Variants in PLD5 observed in about 807,000 individuals in gnomAD.
PLD5 encodes inactive phospholipase D5.
Under a neutral mutation model 61.1 loss-of-function variants are expected in PLD5, and 36 were observed. That is an observed-to-expected ratio of 0.59 (90% CI 0.45 to 0.78). The LOEUF (loss-of-function observed/expected upper bound fraction) is 0.78. Ranked by LOEUF, PLD5 falls within the 30% of genes least tolerant of loss-of-function variation. The pLI, the probability that PLD5 is intolerant of heterozygous loss-of-function variation, is 0.00. For synonymous variants in PLD5, 243 were observed against 242.8 expected (o/e 1.00, Z -0.01); for missense variants, 515 against 644.4 (o/e 0.80, Z 2.17).
At chr1:242,399,137 G>C (rs1358230130) in intron 1 of PLD5, among the ~76,000 whole-genome samples, 1 of 152,154 alleles carries the variant, frequency 6.6e-6, no homozygotes, top group Non-Finnish European at 1.5e-5. Flanking sequence ...TAATGTGCAA[G>C]ATGAAAAAAC....
rs569142182 is a variant in PLD5 at position 242,505,498 on chromosome 1, TG to T, written c.189+18589del. ...AAGTGTCCATCAACTGATGAACAGA[TG>T]AAGAAAATAAGGATGCATTTCTCAG... On this transcript the variant is annotated intron_variant, in intron 1 of 9. Coordinates refer to ENST00000536534, the MANE Select transcript of PLD5 (RefSeq NM_001372062.1). Among the ~76,000 whole-genome samples, 752 of 152,036 alleles carry T rather than the reference TG, an allele frequency of 4.9e-3. 6 individuals carry two copies. The highest frequency in any genetic ancestry group is 0.017 in the African/African-American group (715 of 41,548).
In PLD5 at chr1:242,207,964, T is replaced by TA. The variant is rs1669537542; in HGVS notation, c.735+12023_735+12024insT. ...TTTATATATATTTATTTATATATAT[T>TA]TATATATATTTTTATATATATATTT... On this transcript the variant is annotated intron_variant, in intron 5 of 9. Coordinates refer to ENST00000536534, the MANE Select transcript of PLD5 (RefSeq NM_001372062.1). Among the ~76,000 whole-genome samples the TA allele has an allele frequency of 2.4e-4, 8 of 32,778 alleles. 1 individual carries two copies. Among genetic ancestry groups the TA allele is most frequent in the East Asian group, 2.2e-3 (3 of 1,346 alleles). The allele number at this position is 32,778 out of a possible 152,430, so 21.5% of individuals were successfully genotyped here.
intron 4 of PLD5, among the ~76,000 whole-genome samples, chr1:242,260,450 T>C (rs1673318193): frequency 6.6e-6 from 1 of 152,112 alleles, no homozygotes; most frequent in African/African-American, 2.4e-5. Flanking sequence ...GCAGAGGATT[T>C]CAATGACAAT....
At chr1:242,393,681 T>C (rs1375480749) in intron 1 of PLD5, among the ~76,000 whole-genome samples, 1 of 96,308 alleles carries the variant, frequency 1.0e-5, no homozygotes, top group East Asian at 2.3e-4. Flanking sequence ...TGAGTATATA[T>C]GTGTATATAT....
chr1:242,389,941 A>G (rs1662827765), intron 1 of PLD5, among the ~76,000 whole-genome samples: 1 of 151,800 alleles, frequency 6.6e-6, no homozygotes, highest in South Asian at 2.1e-4. Flanking sequence ...AAATTCTTAG[A>G]CTCCACTATT....
At chr1:242,158,172 A>T (rs1428380815) in intron 5 of PLD5, among the ~76,000 whole-genome samples, 1 of 152,170 alleles carries the variant, frequency 6.6e-6, no homozygotes, top group African/African-American at 2.4e-5. Flanking sequence ...AAGCTCAAGC[A>T]TCCCAGGTGG....
At chr1:242,198,746 A>G (rs1251368977) in intron 5 of PLD5, among the ~76,000 whole-genome samples, 1 of 144,260 alleles carries the variant, frequency 6.9e-6, no homozygotes, top group East Asian at 2.0e-4. Flanking sequence ...CATTATTATT[A>G]TTATTTTGAG....
intron 1 of PLD5, among the ~76,000 whole-genome samples, chr1:242,460,585 T>C (rs1394827638): frequency 6.7e-6 from 1 of 149,202 alleles, no homozygotes; most frequent in Non-Finnish European, 1.5e-5. Flanking sequence ...TTCCTCTCTA[T>C]CTACTGCCTT....
At chr1:242,362,362 G>GA (rs1212615117) in intron 1 of PLD5, among the ~76,000 whole-genome samples, 1 of 152,076 alleles carries the variant, frequency 6.6e-6, no homozygotes, top group African/African-American at 2.4e-5. Context: ...TATAGATGCA[G>GA]ACTTTTCCCT....
intron 2 of PLD5, among the ~76,000 whole-genome samples, chr1:242,294,598 AAC>A (rs1314632725): frequency 2.0e-5 from 3 of 152,124 alleles, no homozygotes; most frequent in Admixed American, 6.5e-5. Context: ...AAGTAGACAA[AAC>A]ACAGCTCTGC....
chr1:242,470,374 GA>G, intron 1 of PLD5, among the ~76,000 whole-genome samples: 1 of 70,436 alleles, frequency 1.4e-5, no homozygotes, highest in Admixed American at 1.8e-4. Flanking sequence ...AAGAAAGAAA[GA>G]AAGAAAAAAA....
intron 1 of PLD5, among the ~76,000 whole-genome samples, chr1:242,452,814 C>T (rs1303686682): frequency 6.6e-6 from 1 of 152,176 alleles, no homozygotes; most frequent in South Asian, 2.1e-4. Context: ...AGACCCTGCC[C>T]CCCACCCCTG....
chr1:242,199,953 G>C (rs1191508186), intron 5 of PLD5, among the ~76,000 whole-genome samples: 1 of 152,064 alleles, frequency 6.6e-6, no homozygotes. Context: ...CCATATTCTG[G>C]CTATTATGAA....
At chr1:242,480,792 A>T (rs1256283399) in intron 1 of PLD5, among the ~76,000 whole-genome samples, 1 of 152,206 alleles carries the variant, frequency 6.6e-6, no homozygotes, top group African/African-American at 2.4e-5. Flanking sequence ...TAAAAACCAC[A>T]ATGAGCTGCA....
chr1:242,314,840 G>T (rs1322387711), intron 2 of PLD5, among the ~76,000 whole-genome samples: 1 of 151,752 alleles, frequency 6.6e-6, no homozygotes, highest in Non-Finnish European at 1.5e-5. Context: ...TTCTAAGTTG[G>T]AGTGGAGGCT....
intron 1 of PLD5, among the ~76,000 whole-genome samples, chr1:242,419,386 G>GTTTTTT (rs58320205): frequency 6.2e-5 from 6 of 96,500 alleles, no homozygotes; most frequent in East Asian, 3.3e-4. Flanking sequence ...CCTGATTTTT[G>GTTTTTT]TTTTTTTTTT....
chr1:242,326,004 C>T (rs1385102095), intron 2 of PLD5, among the ~76,000 whole-genome samples: 2 of 152,156 alleles, frequency 1.3e-5, no homozygotes, highest in Non-Finnish European at 2.9e-5. Context: ...CTACACATCT[C>T]AGCCTCCCGA....
At chr1:242,367,313 A>T (rs1272374505) in intron 1 of PLD5, among the ~76,000 whole-genome samples, 4 of 152,178 alleles carry the variant, frequency 2.6e-5, no homozygotes, top group Non-Finnish European at 4.4e-5. Context: ...ATGTAAGTAG[A>T]GCTCTAAGTC....
intron 1 of PLD5, among the ~76,000 whole-genome samples, chr1:242,512,150 G>A (rs780666191): frequency 1.8e-4 from 28 of 151,810 alleles, no homozygotes; most frequent in Non-Finnish European, 2.4e-4. Context: ...GGTGGTTCAC[G>A]CCTGTAATCC....
Sources: gnomAD v4.1 joint callset for allele counts (sites outside exome capture counted in the v4.1 genomes callset) on GRCh38, gnomAD v4.1.1 for gene constraint, MANE v1.5 for transcripts, NCBI Gene and HGNC (gene_info 2026-07-23, HGNC 2026-07-21) for gene names.